FBN3: variants seen among roughly 807,000 people sequenced by gnomAD.
The protein encoded by FBN3 is fibrillin 3.
In FBN3, 234 loss-of-function variants were observed where a neutral mutation model predicts 330.1. The observed-to-expected ratio is 0.71, with a 90% CI of 0.64 to 0.79. FBN3 has a LOEUF of 0.79. FBN3 is among the 30% of genes least tolerant of loss of function. The pLI, the probability that FBN3 is intolerant of heterozygous loss-of-function variation, is 0.00. For synonymous variants in FBN3, 1,458 were observed against 1,517.3 expected, an observed-to-expected ratio of 0.96 and a Z score of 0.91; for missense variants, 3,606 against 3,886.9, an observed-to-expected ratio of 0.93 and a Z score of 1.92.
intron 10 of FBN3, among the ~76,000 whole-genome samples, chr19:8,137,452 T>C (rs2083315410): frequency 6.6e-6 from 1 of 151,622 alleles, no homozygotes; most frequent in African/African-American, 2.4e-5. Context: ...CCCTTCAATC[T>C]GGAGCCTAGA....
intron 22 of FBN3, 104 bp from the exon 23 acceptor site, chr19:8,124,112 T>C: frequency 9.9e-7 from 1 of 1,006,728 alleles, no homozygotes; most frequent in Non-Finnish European, 1.5e-6. Flanking sequence ...CTCCCGGACG[T>C]AGTCAGGTCG....
Position 8,096,102 on chromosome 19 carries a change from C to A in FBN3, c.5540-22G>T, listed in dbSNP as rs1599328293. ...ATGTCTGCAGAAGCAAAGCCGAGAGCCCAACCCAGCTCACCCAGGGCATTG... is the reference window on the plus strand; with the variant it reads ...ATGTCTGCAGAAGCAAAGCCGAGAGACCAACCCAGCTCACCCAGGGCATTG... On this transcript the variant is annotated intron_variant, in intron 44 of 63. Coordinates refer to ENST00000600128, the MANE Select transcript of FBN3 (RefSeq NM_032447.5). This position sits in a 1 kb window ranked among gnomAD's most constrained non-coding sequence, Gnocchi z 4.6. 1 of 1,576,054 alleles carries A rather than the reference C, an allele frequency of 6.3e-7. No individual in the cohort carries two copies.
chr19:8,144,943 C>T lies in FBN3; in HGVS notation c.475G>A (p.Gly159Ser). Reference sequence around the variant, plus strand: ...CAGCGGTTGGGCCCAATGCAGCGACCCCCATTGTGGCAGCCGCGGTCACAG... The same window carrying T: ...CAGCGGTTGGGCCCAATGCAGCGACTCCCATTGTGGCAGCCGCGGTCACAG... ...PICDRGCHNGGRCIGPNRCAC... is the reference protein window; with the variant it reads ...PICDRGCHNGSRCIGPNRCAC... Residue 159 changes from glycine to serine, a missense_variant, in exon 6 of 64, where the codon GGT (glycine) becomes AGT (serine). By Grantham distance (56) the Gly-to-Ser change is moderately conservative (BLOSUM62 0). Coordinates refer to ENST00000600128, the MANE Select transcript of FBN3 (RefSeq NM_032447.5). The T allele has an allele frequency of 6.2e-7, 1 of 1,612,212 alleles. No homozygotes were observed. The highest frequency in any genetic ancestry group is 1.7e-5 in the Admixed American group (1 of 59,796).
chr19:8,103,332 T>C lies in FBN3; in HGVS notation c.4939+230A>G, dbSNP rs115656875. 0.013 allele frequency among the ~76,000 whole-genome samples: 1,933 copies of C among 150,916 alleles called. 43 individuals carry two copies. The highest frequency in any genetic ancestry group is 0.044 in the African/African-American group (1,815 of 41,136). ...GCTTGATGTCTCTCCCCCAACACAC[T>C]TGGGGGATCCATTCACTTTTTTCAG... On this transcript the variant is annotated intron_variant, in intron 39 of 63. Transcript: ENST00000600128.
intron 28 of FBN3, 86 bp downstream of exon 28, chr19:8,117,058 GTCTGGCTGGCTTCACTATGCTGTGC>G (rs1403803729): frequency 1.3e-6 from 2 of 1,485,090 alleles, no homozygotes; most frequent in African/African-American, 2.8e-5. Flanking sequence ...GGTGCCTCGG[GTCTGGCTGGCTTCACTATGCTGTGC>G]TGGGCTCTGG....
intron 3 of FBN3, among the ~76,000 whole-genome samples, chr19:8,146,481 C>T (rs1053649176): frequency 1.3e-5 from 2 of 152,166 alleles, no homozygotes; most frequent in African/African-American, 2.4e-5. Flanking sequence ...CTCTTTGGGC[C>T]AGAGCTGCTG....
chr19:8,126,440 G>A (rs939184483), intron 20 of FBN3, 28 bp downstream of exon 20: 16 of 1,603,452 alleles, frequency 1.0e-5, no homozygotes, highest in East Asian at 4.5e-5. Context: ...TCCCATGGGT[G>A]CCTGGGAGGC....
intron 26 of FBN3, 68 bp downstream of exon 26, chr19:8,118,829 C>T: frequency 6.4e-7 from 1 of 1,560,126 alleles, no homozygotes; most frequent in Non-Finnish European, 8.8e-7. Context: ...CCCACATTCA[C>T]CAGACATCCA....
chr19:8,096,188 C>A lies in FBN3; in HGVS notation c.5540-108G>T, dbSNP rs74609770. ...CACTCCTCCCCTGCACCTAGCCCTGCCTAGATGACTGGGCAGTGACCCCTG... is the reference window on the plus strand; with the variant it reads ...CACTCCTCCCCTGCACCTAGCCCTGACTAGATGACTGGGCAGTGACCCCTG... On this transcript the variant is annotated intron_variant, in intron 44 of 63. Coordinates refer to ENST00000600128, the MANE Select transcript of FBN3 (RefSeq NM_032447.5). The surrounding 1 kb of genome is among the most constrained non-coding windows in gnomAD (Gnocchi z 4.6). 12 of 936,898 alleles carry A rather than the reference C, an allele frequency of 1.3e-5. No homozygotes were observed. Among genetic ancestry groups the A allele is most frequent in the African/African-American group, 6.4e-5 (4 of 62,062 alleles). The allele number at this position is 936,898 out of a possible 1,614,324, so 58.0% of individuals were successfully genotyped here. A position where few individuals can be genotyped will look rare whatever the true frequency, so the allele number is the denominator to read the frequency against.
At chr19:8,137,354 C>T (rs2083312736) in intron 10 of FBN3, among the ~76,000 whole-genome samples, 1 of 149,868 alleles carries the variant, frequency 6.7e-6, no homozygotes, top group Admixed American at 6.6e-5. Context: ...GCCTTAGATC[C>T]CTCCAACCTG....
Position 8,111,733 on chromosome 19 carries a change from G to C in FBN3, c.3999C>G (p.Ser1333Arg). The C allele has an allele frequency of 6.2e-7, 1 of 1,612,680 alleles. No individual in the cohort carries two copies. The highest frequency in any genetic ancestry group is 8.5e-7 in the Non-Finnish European group (1 of 1,178,970). Reference protein sequence around the residue: ...DECVSQEHRCSPRGDCLNVPG... With the variant: ...DECVSQEHRCRPRGDCLNVPG... The stretch of plus-strand genomic sequence containing the variant: ...GGACATTGAGACAGTCACCTCTTGG[G>C]CTGCACCGGTGCTCCTGGGAGACGC... The change falls in exon 32 of 64, where the codon AGC (serine) becomes AGG (arginine). Residue 1333 changes from serine to arginine, a missense_variant. Ser to Arg is a moderately radical substitution (Grantham distance 110). Transcript: ENST00000600128.
chr19:8,120,165 C>CTTTCTT (rs529902047), intron 25 of FBN3, among the ~76,000 whole-genome samples: 1 of 127,922 alleles, frequency 7.8e-6, no homozygotes, highest in African/African-American at 3.0e-5. Flanking sequence ...TTCTTTCTTT[C>CTTTCTT]TTTTTTTTTT....
At chr19:8,088,819 A>C (rs1357686140) in intron 51 of FBN3, among the ~76,000 whole-genome samples, 2 of 152,226 alleles carry the variant, frequency 1.3e-5, no homozygotes, top group Non-Finnish European at 2.9e-5. Context: ...GAATGAGTGA[A>C]CAAACAAGCA....
chr19:8,131,238 G>T lies in FBN3; in HGVS notation c.2041C>A (p.Arg681=). 1 of 1,608,976 alleles carries T rather than the reference G, an allele frequency of 6.2e-7. No individual in the cohort carries two copies. Among genetic ancestry groups the T allele is most frequent in the Non-Finnish European group, 8.5e-7 (1 of 1,178,704 alleles). Residue 681 remains arginine (R), a synonymous_variant, in exon 16 of 64, where the codon CGA becomes AGA. Transcript: ENST00000600128. This position sits in a 1 kb window ranked among gnomAD's most constrained non-coding sequence, Gnocchi z 4.5. ...GGAGGGGCTGGGCTCCACTTACCTC[G>T]ACCATCCGTGGTAATGCCAAGCCCA... ...SSGLGITTDG[R]DINECALDPE... is the part of the protein sequence containing the mutation.
chr19:8,105,828 G>A (rs2082424775), intron 38 of FBN3, among the ~76,000 whole-genome samples: 1 of 152,154 alleles, frequency 6.6e-6, no homozygotes, highest in Non-Finnish European at 1.5e-5. Flanking sequence ...ACAACATCCA[G>A]ACAAAGATAT....
rs755028907 is a variant in FBN3, at chr19:8,096,470, GC to G, written c.5512del (p.Ala1838ProfsTer41). On this transcript the variant is annotated frameshift_variant, in exon 44 of 64. Transcript: ENST00000600128. LOFTEE classifies it high-confidence loss of function. The surrounding 1 kb of genome is among the most constrained non-coding windows in gnomAD (Gnocchi z 4.6). Reference protein sequence around the residue: ...YMCLCHRGFQASADQTLCMDI... With the variant: ...YMCLCHRGFQXSADQTLCMDI... Reference sequence around the variant, plus strand: ...CATGCACAGGGTCTGGTCTGCAGAGGCCTGGAATCCACGGTGACACAGACAC... The same window carrying G: ...CATGCACAGGGTCTGGTCTGCAGAGGCTGGAATCCACGGTGACACAGACAC... The G allele has an allele frequency of 6.2e-7, 1 of 1,614,016 alleles. No homozygotes were observed.
chr19:8,070,915 G>A (rs556743501), intron 63 of FBN3, among the ~76,000 whole-genome samples: 11 of 152,070 alleles, frequency 7.2e-5, no homozygotes, highest in East Asian at 5.8e-4. Flanking sequence ...CCAGCTACTC[G>A]GGCGGCTGAG....
In FBN3 at chr19:8,100,861, G is replaced by A. The variant is rs762778384; in HGVS notation, c.5161+40C>T. 5 of 1,554,146 alleles carry A rather than the reference G, an allele frequency of 3.2e-6. No homozygotes were observed. In the African/African-American group the frequency reaches 6.8e-5, roughly 21 times the overall value. Reference sequence around the variant, plus strand: ...GGGGTGGGAGGAAGCAGACCCAGGTGGATGGGTGCCCAGGGATAGAGCAGG... The same window carrying A: ...GGGGTGGGAGGAAGCAGACCCAGGTAGATGGGTGCCCAGGGATAGAGCAGG... On this transcript the variant is annotated intron_variant, in intron 41 of 63. Coordinates refer to ENST00000600128, the MANE Select transcript of FBN3 (RefSeq NM_032447.5).
chr19:8,120,889 C>T (rs2082831122), intron 25 of FBN3, among the ~76,000 whole-genome samples: 1 of 152,230 alleles, frequency 6.6e-6, no homozygotes, highest in Non-Finnish European at 1.5e-5. Flanking sequence ...GTGCCTCTAG[C>T]TCAGAGGATG....
Sources: allele counts gnomAD v4.1 joint callset (sites outside exome capture counted in the v4.1 genomes callset), GRCh38; gene constraint gnomAD v4.1.1; non-coding constraint Gnocchi (gnomAD v3.1); transcripts MANE v1.5; gene names NCBI Gene and HGNC (gene_info 2026-07-23, HGNC 2026-07-21).